CMYA5: variants seen among roughly 807,000 people sequenced by gnomAD.
The protein encoded by CMYA5 is cardiomyopathy-associated protein 5.
In CMYA5, 246 loss-of-function variants were observed where a neutral mutation model predicts 318.9. That is an observed-to-expected ratio of 0.77 (90% CI 0.70 to 0.86). The LOEUF is 0.86. Among genes scored for constraint, CMYA5 ranks in the 40% least tolerant of loss-of-function variants. CMYA5 has a pLI of 0.00. For synonymous variants in CMYA5, 1,641 were observed against 1,729.5 expected (o/e 0.95, Z 1.27); for missense variants, 4,589 against 4,678.2 (o/e 0.98, Z 0.56).
At chr5:79,696,416 G>T (rs564064360) in intron 1 of CMYA5, among the ~76,000 whole-genome samples, 2 of 152,334 alleles carry the variant, frequency 1.3e-5, no homozygotes, top group South Asian at 4.1e-4. Flanking sequence ...TAAAGTCCAA[G>T]ATATGTGGGA....
chr5:79,732,472 C>T lies in CMYA5; in HGVS notation c.3707C>T (p.Ser1236Phe). The change falls in exon 2 of 13, where the codon TCT becomes TTT. Residue 1236 changes from serine (S) to phenylalanine (F), a missense_variant. This residue lies in a region of CMYA5 where 2,132 missense variants were observed against 2,131.3 expected (regional missense o/e 1.00). Coordinates refer to ENST00000446378, the MANE Select transcript of CMYA5 (RefSeq NM_153610.5). The part of the protein sequence containing the change: ...MEPQPPNVPE[S>F]EMKYSVLPDM... ...CCTCAGCCTCCAAATGTTCCAGAGT[C>T]TGAGATGAAATATTCAGTTTTGCCT... 6.2e-7 allele frequency: 1 copy of T among 1,613,172 alleles called. No individual in the cohort carries two copies. Among genetic ancestry groups the T allele is most frequent in the South Asian group, 1.1e-5 (1 of 90,878 alleles).
intron 9 of CMYA5, among the ~76,000 whole-genome samples, chr5:79,785,857 A>G (rs1429697257): frequency 2.0e-5 from 3 of 152,206 alleles, no homozygotes; most frequent in Admixed American, 1.3e-4. Context: ...ATTCCTACCA[A>G]AAATGATTCT....
chr5:79,704,117 GAAACTGTCC>G (rs1369185082), intron 1 of CMYA5, among the ~76,000 whole-genome samples: 2 of 151,412 alleles, frequency 1.3e-5, no homozygotes, highest in African/African-American at 4.9e-5. Flanking sequence ...GTACATCTGT[GAAACTGTCC>G]AAACTGTCCA....
intron 1 of CMYA5, among the ~76,000 whole-genome samples, chr5:79,726,437 A>C (rs953652440): frequency 2.0e-5 from 3 of 152,176 alleles, no homozygotes; most frequent in Non-Finnish European, 4.4e-5. Context: ...GCCTGAAAAA[A>C]CAGTTTAAAA....
In CMYA5 at chr5:79,745,403, T is replaced by C. The variant is rs766040945; in HGVS notation, c.10916T>C (p.Leu3639Pro). ...LQSMDTAKDT[L>P]ETIVREAEEL... is the part of the protein sequence containing the mutation. ...AGCATGGACACTGCCAAAGACACCC[T>C]GGAGACCATCGTGAGAGAAGCAGAG... Residue 3639 changes from leucine (L) to proline (P), a missense_variant, in exon 4 of 13, where the codon CTG becomes CCG. Physicochemically the swap from Leu to Pro is moderately conservative, Grantham distance 98. Around this residue, in one of 3 missense-constraint regions of CMYA5, gnomAD observed 2,431 missense variants for 2,495.1 expected, o/e 0.97. Transcript: ENST00000446378. 1 of 1,614,008 alleles carries C rather than the reference T, an allele frequency of 6.2e-7. No individual in the cohort carries two copies. The highest frequency in any genetic ancestry group is 8.5e-7 in the Non-Finnish European group (1 of 1,179,876).
intron 1 of CMYA5, among the ~76,000 whole-genome samples, chr5:79,708,210 G>A (rs927838786): frequency 2.0e-5 from 3 of 152,214 alleles, no homozygotes; most frequent in African/African-American, 7.2e-5. Context: ...CTACCATGCT[G>A]TTTCTATCCC....
At chr5:79,698,688 C>T (rs188832427) in intron 1 of CMYA5, among the ~76,000 whole-genome samples, 5 of 152,340 alleles carry the variant, frequency 3.3e-5, no homozygotes, top group African/African-American at 7.2e-5. Context: ...TCTTGTCTTC[C>T]GTGGTCACAT....
rs1437472498 is a variant in CMYA5 at position 79,737,495 on chromosome 5, T to C, written c.8730T>C (p.Asn2910=). The C allele has an allele frequency of 3.1e-6, 5 of 1,613,424 alleles. No individual in the cohort carries two copies. The South Asian group carries it at 4.4e-5, about 14-fold the overall frequency. ...GCAATGCTGATAAAATGGTTTCTAA[T>C]AAAGAAATGCCCAAGGAACCTGAAG... ...SASNADKMVS[N]KEMPKEPEDT... is the part of the protein sequence containing the mutation. The change falls in exon 2 of 13, where the codon AAT becomes AAC. Residue 2910 remains asparagine, a synonymous_variant. Transcript: ENST00000446378.
rs1561211319 is a variant in CMYA5 at position 79,735,775 on chromosome 5, C to T, written c.7010C>T (p.Pro2337Leu). 6.4e-7 allele frequency: 1 copy of T among 1,566,728 alleles called. No homozygotes were observed. Among genetic ancestry groups the T allele is most frequent in the Non-Finnish European group, 8.6e-7 (1 of 1,163,750 alleles). The part of the protein sequence containing the change: ...LVMEEAKTIV[P>L]PHVTDSKRVQ... Reference sequence around the variant, plus strand: ...ATGGAAGAAGCCAAAACTATTGTTCCTCCTCATGTTACTGATAGTAAAAGA... The same window carrying T: ...ATGGAAGAAGCCAAAACTATTGTTCTTCCTCATGTTACTGATAGTAAAAGA... The change falls in exon 2 of 13, where the codon CCT becomes CTT. Residue 2337 changes from proline (P) to leucine (L), a missense_variant. This residue lies in a region of CMYA5 where 2,431 missense variants were observed against 2,495.1 expected (regional missense o/e 0.97). Transcript: ENST00000446378.
chr5:79,752,657 G>A lies in CMYA5; in HGVS notation c.10992-19G>A. The A allele has an allele frequency of 6.5e-7, 1 of 1,531,536 alleles. No homozygotes were observed. Among genetic ancestry groups the A allele is most frequent in the Non-Finnish European group, 9.0e-7 (1 of 1,112,072 alleles). 94.9% of individuals were successfully genotyped at this position (1,531,536 alleles called of 1,614,324 possible). On this transcript the variant is annotated intron_variant, in intron 5 of 12. Coordinates refer to ENST00000446378, the MANE Select transcript of CMYA5 (RefSeq NM_153610.5). The stretch of plus-strand genomic sequence containing the variant: ...TGTTAATAATTTTTTAACTTATGTA[G>A]AGCTCTATTCCCCGATAGGTTGCTT...
intron 1 of CMYA5, among the ~76,000 whole-genome samples, chr5:79,690,542 G>A (rs1035336183): frequency 6.6e-6 from 1 of 152,082 alleles, no homozygotes; most frequent in African/African-American, 2.4e-5. Flanking sequence ...TTCTTTGGGG[G>A]AAAAGAAGCA....
intron 6 of CMYA5, among the ~76,000 whole-genome samples, chr5:79,758,103 G>A (rs1226073778): frequency 6.6e-6 from 1 of 151,942 alleles, no homozygotes; most frequent in Non-Finnish European, 1.5e-5. Context: ...GGTGGTGCAG[G>A]CCTGTAATCC....
rs763456175 is a variant in CMYA5, at chr5:79,729,133, T to C, written c.368T>C (p.Phe123Ser). The C allele has an allele frequency of 1.2e-6, 2 of 1,613,226 alleles. No individual in the cohort carries two copies. Among genetic ancestry groups the C allele is most frequent in the Non-Finnish European group, 8.5e-7 (1 of 1,179,578 alleles). The change falls in exon 2 of 13, where the codon TTT (phenylalanine) becomes TCT (serine). Residue 123 changes from phenylalanine (F) to serine (S), a missense_variant. By Grantham distance (155) the Phe-to-Ser change is radical. Around this residue, in one of 3 missense-constraint regions of CMYA5, gnomAD observed 2,132 missense variants for 2,131.3 expected, o/e 1.00. Coordinates refer to ENST00000446378, the MANE Select transcript of CMYA5 (RefSeq NM_153610.5). ...AATTCTCCTCCTGGAAATGTTTCCT[T>C]TATTGTGGATGAAGTGAAAAAGGTT... ...TVNSPPGNVS[F>S]IVDEVKKVRK...
intron 1 of CMYA5, among the ~76,000 whole-genome samples, chr5:79,704,342 C>G (rs1339085071): frequency 6.6e-6 from 1 of 152,044 alleles, no homozygotes; most frequent in Non-Finnish European, 1.5e-5. Flanking sequence ...CTGTATCACA[C>G]TCAAGTGTGT....
Position 79,731,784 on chromosome 5 carries a change from T to C in CMYA5, c.3019T>C (p.Ser1007Pro). The change falls in exon 2 of 13, where the codon TCA (serine) becomes CCA (proline). Residue 1007 changes from serine (S) to proline (P), a missense_variant. This residue lies in a region of CMYA5 where 2,132 missense variants were observed against 2,131.3 expected (regional missense o/e 1.00). Coordinates refer to ENST00000446378, the MANE Select transcript of CMYA5 (RefSeq NM_153610.5). ...LFSPDSASQV[S>P]IPPFRISETE... Reference sequence around the variant, plus strand: ...CTCTCCAGACTCAGCATCACAAGTTTCAATCCCTCCCTTTAGAATCTCAGA... The same window carrying C: ...CTCTCCAGACTCAGCATCACAAGTTCCAATCCCTCCCTTTAGAATCTCAGA... 1 of 1,613,174 alleles carries C rather than the reference T, an allele frequency of 6.2e-7. No individual in the cohort carries two copies. Among genetic ancestry groups the C allele is most frequent in the Non-Finnish European group, 8.5e-7 (1 of 1,179,616 alleles).
chr5:79,755,091 G>A (rs562916407), intron 6 of CMYA5, among the ~76,000 whole-genome samples: 116 of 152,226 alleles, frequency 7.6e-4, no homozygotes, highest in African/African-American at 2.6e-3. Flanking sequence ...CCCTGAGGAC[G>A]TTCCAAAGGC....
Position 79,770,163 on chromosome 5 carries a change from C to T in CMYA5, c.11555+6954C>T, listed in dbSNP as rs150889103. On this transcript the variant is annotated intron_variant, in intron 9 of 12. Transcript: ENST00000446378. ...CGGACGCCCCTCCCCCCACCAAGCTCGAGCATTCCAGATTGACTTCAGACT... is the reference window on the plus strand; with the variant it reads ...CGGACGCCCCTCCCCCCACCAAGCTTGAGCATTCCAGATTGACTTCAGACT... 3.0e-4 allele frequency among the ~76,000 whole-genome samples: 45 copies of T among 152,316 alleles called. 1 individual carries two copies. The highest frequency in any genetic ancestry group is 8.7e-4 in the African/African-American group (36 of 41,580).
In CMYA5 at chr5:79,732,295, T is replaced by C; in HGVS notation, c.3530T>C (p.Val1177Ala). 6.2e-7 allele frequency: 1 copy of C among 1,613,810 alleles called. No individual in the cohort carries two copies. Among genetic ancestry groups the C allele is most frequent in the Non-Finnish European group, 8.5e-7 (1 of 1,179,856 alleles). The change falls in exon 2 of 13, where the codon GTC becomes GCC. Residue 1177 changes from valine (V) to alanine (A), a missense_variant. Coordinates refer to ENST00000446378, the MANE Select transcript of CMYA5 (RefSeq NM_153610.5). ...ASPHSVLPDS[V>A]PAIKKEQEPT... ...CCACATTCAGTTTTACCTGATTCAG[T>C]CCCTGCAATCAAGAAAGAACAGGAA... is the stretch of plus-strand genomic sequence containing the variant.
rs1211654730 is a variant in CMYA5 at position 79,733,591 on chromosome 5, A to G, written c.4826A>G (p.Glu1609Gly). 1 of 1,613,804 alleles carries G rather than the reference A, an allele frequency of 6.2e-7. No individual in the cohort carries two copies. Among genetic ancestry groups the G allele is most frequent in the Non-Finnish European group, 8.5e-7 (1 of 1,179,834 alleles). The change falls in exon 2 of 13, where the codon GAA becomes GGA. Residue 1609 changes from glutamate to glycine, a missense_variant. By Grantham distance (98) the Glu-to-Gly change is moderately conservative. Around this residue, in one of 3 missense-constraint regions of CMYA5, gnomAD observed 2,132 missense variants for 2,131.3 expected, o/e 1.00. Coordinates refer to ENST00000446378, the MANE Select transcript of CMYA5 (RefSeq NM_153610.5). ...ACAGCTCAGGGAGACTTCCCATCAG[A>G]AAAACAAGATGTTGCTTTGGCAGAG... ...SSTAQGDFPS[E>G]KQDVALAELS...
Sources: allele counts gnomAD v4.1 joint callset (sites outside exome capture counted in the v4.1 genomes callset), GRCh38; gene constraint gnomAD v4.1.1; regional missense constraint gnomAD v4.1.1; transcripts MANE v1.5; gene names NCBI Gene and HGNC (gene_info 2026-07-23, HGNC 2026-07-21).